PPP2R3C: variants seen among roughly 807,000 people sequenced by gnomAD.
PPP2R3C encodes the protein protein phosphatase 2 regulatory subunit B''gamma, also known as serine/threonine-protein phosphatase 2A regulatory subunit B'' subunit gamma.
In PPP2R3C, 47 loss-of-function variants were observed where a neutral mutation model predicts 63.7. The observed-to-expected ratio is 0.74, with a 90% CI of 0.58 to 0.94. PPP2R3C has a LOEUF of 0.94. PPP2R3C is among the 40% of genes least tolerant of loss of function. The pLI is 0.00. For synonymous variants in PPP2R3C, 180 were observed against 177.4 expected (o/e 1.01, Z -0.12); for missense variants, 421 against 518.4 (o/e 0.81, Z 1.82).
At chr14:35,104,441 T>G (rs2046286354) in intron 6 of PPP2R3C, among the ~76,000 whole-genome samples, 1 of 152,202 alleles carries the variant, frequency 6.6e-6, no homozygotes, top group Non-Finnish European at 1.5e-5. Flanking sequence ...TGAATAATTA[T>G]TTGATTAATT....
chr14:35,114,630 A>G (rs1026071546), intron 2 of PPP2R3C, among the ~76,000 whole-genome samples: 5 of 152,164 alleles, frequency 3.3e-5, no homozygotes, highest in South Asian at 2.1e-4. Context: ...AGGTATAAAT[A>G]GCTTTTTATT....
At chr14:35,119,931 A>C (rs1595135790) in intron 1 of PPP2R3C, among the ~76,000 whole-genome samples, 1 of 145,576 alleles carries the variant, frequency 6.9e-6, no homozygotes, top group East Asian at 2.0e-4. Context: ...GGCTCACTAC[A>C]ACCTCCGCCT....
intron 6 of PPP2R3C, chr14:35,099,894 C>T (rs1433429077): frequency 6.5e-6 from 1 of 153,216 alleles, no homozygotes; most frequent in Non-Finnish European, 1.5e-5. Flanking sequence ...CGCGCACCAC[C>T]ATGCCCAGCT....
At chr14:35,098,980 C>T (rs1352154603) in intron 7 of PPP2R3C, 2 of 256,790 alleles carry the variant, frequency 7.8e-6, no homozygotes, top group African/African-American at 4.5e-5. Flanking sequence ...ACTGACTACC[C>T]AGTTCATACT....
chr14:35,111,662 C>A (rs1489022140), intron 2 of PPP2R3C, among the ~76,000 whole-genome samples: 3 of 152,180 alleles, frequency 2.0e-5, no homozygotes, highest in Admixed American at 6.6e-5. Context: ...TATTGTAGTA[C>A]ACAGGACTGG....
intron 2 of PPP2R3C, among the ~76,000 whole-genome samples, chr14:35,115,349 G>A (rs1244374370): frequency 2.0e-5 from 3 of 151,202 alleles, no homozygotes; most frequent in Admixed American, 6.6e-5. Flanking sequence ...GGAGAGACAC[G>A]ATCTCACCAA....
chr14:35,090,224 T>G (rs1013138153), intron 11 of PPP2R3C, among the ~76,000 whole-genome samples: 8 of 151,002 alleles, frequency 5.3e-5, no homozygotes, highest in Non-Finnish European at 1.0e-4. Context: ...TTTTATAGAC[T>G]TTGGTAGTTG....
chr14:35,107,675 T>C, intron 5 of PPP2R3C: 1 of 372,784 alleles, frequency 2.7e-6, no homozygotes, highest in South Asian at 5.5e-5. Flanking sequence ...CTTTTATTTC[T>C]GAGGTTAATT....
At chr14:35,110,709 C>T in intron 2 of PPP2R3C, 80 bp from the exon 3 acceptor site, 1 of 861,312 alleles carries the variant, frequency 1.2e-6, no homozygotes, top group Non-Finnish European at 1.8e-6. Flanking sequence ...CATAAAATAA[C>T]TGTATGCCAC....
intron 9 of PPP2R3C, 136 bp downstream of exon 9, chr14:35,096,422 A>G (rs1272146504): frequency 7.2e-6 from 6 of 834,188 alleles, no homozygotes; most frequent in Non-Finnish European, 1.1e-5. Flanking sequence ...AATTTTGGTA[A>G]TGTAGAATAC....
intron 1 of PPP2R3C, among the ~76,000 whole-genome samples, chr14:35,118,671 T>C (rs80235552): frequency 3.7e-4 from 19 of 51,318 alleles, no homozygotes; most frequent in African/African-American, 8.9e-4. Context: ...TTTTTTTTTT[T>C]CCGAGACTGA....
Position 35,109,916 on chromosome 14 carries a change from G to C in PPP2R3C, c.307C>G (p.Leu103Val). 6.2e-7 allele frequency: 1 copy of C among 1,600,070 alleles called. No individual in the cohort carries two copies. The highest frequency in any genetic ancestry group is 8.5e-7 in the Non-Finnish European group (1 of 1,171,192). Reference protein sequence around the residue: ...NEELQNLWFLLDKHQTPPMIG... With the variant: ...NEELQNLWFLVDKHQTPPMIG... ...ATAGGTGGTGTCTGGTGTTTGTCCA[G>C]CAAAAACCATAAGTTCTTAAGAGAA... The change falls in exon 4 of 13, where the codon CTG (leucine) becomes GTG (valine). Residue 103 changes from leucine (L) to valine (V), a missense_variant. By Grantham distance (32) the Leu-to-Val change is conservative (BLOSUM62 1). This residue lies in a region of PPP2R3C where 143 missense variants were observed against 151.2 expected (regional missense o/e 0.95). Transcript: ENST00000261475.
intron 10 of PPP2R3C, among the ~76,000 whole-genome samples, chr14:35,094,201 C>T (rs1489596539): frequency 6.6e-6 from 1 of 152,140 alleles, no homozygotes; most frequent in Non-Finnish European, 1.5e-5. Flanking sequence ...GACATGGTCT[C>T]ACTCTACTGC....
rs117106187 is a variant in PPP2R3C, at chr14:35,120,655, A to G, written c.58+1247T>C. Among the ~76,000 whole-genome samples the G allele has an allele frequency of 8.6e-3, 1,310 of 152,228 alleles. 8 individuals carry two copies. Among genetic ancestry groups the G allele is most frequent in the Non-Finnish European group, 0.015 (1,010 of 68,014 alleles). ...TGTAGGAGATGAGAAGAATAGTGTA[A>G]AAGAGTGTTGCCTGGGTGCGGCGGC... On this transcript the variant is annotated intron_variant, in intron 1 of 12. Transcript: ENST00000261475.
chr14:35,096,877 T>A (rs1291619319), intron 7 of PPP2R3C, 113 bp from the exon 8 acceptor site: 2 of 1,031,812 alleles, frequency 1.9e-6, no homozygotes, highest in Non-Finnish European at 2.7e-6. Context: ...TTTTAAAGCT[T>A]CTAGCTCTTA....
At chr14:35,119,614 T>C (rs1474518030) in intron 1 of PPP2R3C, among the ~76,000 whole-genome samples, 3 of 151,842 alleles carry the variant, frequency 2.0e-5, no homozygotes, top group African/African-American at 7.3e-5. Context: ...AGTGCTGGGG[T>C]TACATGAATG....
chr14:35,117,500 T>C (rs1163175014), intron 1 of PPP2R3C, among the ~76,000 whole-genome samples: 1 of 152,192 alleles, frequency 6.6e-6, no homozygotes, highest in East Asian at 1.9e-4. Flanking sequence ...AGCTCAAATA[T>C]ACTCTCAGAT....
chr14:35,085,874 A>T, intron 12 of PPP2R3C, 96 bp from the exon 13 acceptor site: 4 of 957,354 alleles, frequency 4.2e-6, no homozygotes, highest in Non-Finnish European at 6.0e-6. Flanking sequence ...CCACTGAAGT[A>T]CAGAGGAATA....
intron 2 of PPP2R3C, among the ~76,000 whole-genome samples, chr14:35,115,335 T>C (rs1384160882): frequency 1.3e-5 from 2 of 150,646 alleles, no homozygotes; most frequent in African/African-American, 4.9e-5. Context: ...GCTAAGTTTT[T>C]TTTGGAGAGA....
Sources: gnomAD v4.1 joint callset for allele counts (sites outside exome capture counted in the v4.1 genomes callset) on GRCh38, gnomAD v4.1.1 for gene constraint, gnomAD v4.1.1 regional missense constraint, MANE v1.5 for transcripts, NCBI Gene and HGNC (gene_info 2026-07-23, HGNC 2026-07-21) for gene names.